The following KCNJ12 variants were observed in gnomAD, a reference collection of about 807,000 sequenced individuals.
The protein encoded by KCNJ12 is potassium inwardly rectifying channel subfamily J member 12.
Under a neutral mutation model 22.3 loss-of-function variants are expected in KCNJ12, and 2 were observed. The observed-to-expected ratio is 0.09, with a 90% CI of 0.04 to 0.28. The LOEUF is 0.28. KCNJ12 is among the 10% of genes least tolerant of loss of function. The pLI is 1.00. For missense variants in KCNJ12, 155 were observed against 633.3 expected, an observed-to-expected ratio of 0.24 and a Z score of 8.11; for synonymous variants, 117 against 261.4, an observed-to-expected ratio of 0.45 and a Z score of 5.33.
chr17:21,413,891 CT>C (rs1906524099), intron 2 of KCNJ12, among the ~76,000 whole-genome samples: 1 of 152,288 alleles, frequency 6.6e-6, no homozygotes, highest in African/African-American at 2.4e-5. Flanking sequence ...GGTGACACCC[CT>C]GAGCACTGCC....
chr17:21,390,272 A>G (rs1459196116), intron 1 of KCNJ12, among the ~76,000 whole-genome samples: 1 of 152,066 alleles, frequency 6.6e-6, no homozygotes, highest in Non-Finnish European at 1.5e-5. Context: ...TGGACCCTGC[A>G]CTACACCCTG....
intron 1 of KCNJ12, among the ~76,000 whole-genome samples, chr17:21,393,343 C>T (rs1323890918): frequency 1.1e-4 from 16 of 152,140 alleles, no homozygotes; most frequent in African/African-American, 3.9e-4. Context: ...CTGCTTCAGG[C>T]CCTCAAACAG....
chr17:21,394,268 G>A (rs1905278945), intron 1 of KCNJ12, among the ~76,000 whole-genome samples: 1 of 152,130 alleles, frequency 6.6e-6, no homozygotes, highest in Non-Finnish European at 1.5e-5. Context: ...GTTTAACTAT[G>A]TATAGATACA....
chr17:21,416,039 A>C lies in KCNJ12; in HGVS notation c.697A>C (p.Ile233Leu), dbSNP rs782780500. The C allele has an allele frequency of 4.3e-6, 7 of 1,609,722 alleles. No individual in the cohort carries two copies. In the Admixed American group the frequency reaches 5.0e-5, roughly 12 times the overall value. Residue 233 changes from isoleucine to leucine, a missense_variant, in exon 3 of 3, where the codon ATC (isoleucine) becomes CTC (leucine). Physicochemically the swap from Ile to Leu is conservative, Grantham distance 5. Coordinates refer to ENST00000583088, the MANE Select transcript of KCNJ12 (RefSeq NM_021012.5). ...GGAGGCCCATGTGCGCGCGCAGCTC[A>C]TCAAGCCGCGGGTCACCGAGGAGGG... is the stretch of plus-strand genomic sequence containing the variant. ...IVEAHVRAQLIKPRVTEEGEY... is the reference protein window; with the variant it reads ...IVEAHVRAQLLKPRVTEEGEY...
At chr17:21,392,396 G>A (rs1905231546) in intron 1 of KCNJ12, among the ~76,000 whole-genome samples, 1 of 152,272 alleles carries the variant, frequency 6.6e-6, no homozygotes, top group Non-Finnish European at 1.5e-5. Context: ...GGCCACCGCA[G>A]CAAGGAGCAA....
At chr17:21,395,591 A>AAAAAG (rs1905333115) in intron 1 of KCNJ12, among the ~76,000 whole-genome samples, 1 of 151,252 alleles carries the variant, frequency 6.6e-6, no homozygotes. Context: ...AAAAAAAAAA[A>AAAAAG]AAAGAAAGAA....
chr17:21,406,939 T>C (rs1228272617), intron 1 of KCNJ12, among the ~76,000 whole-genome samples: 2 of 152,388 alleles, frequency 1.3e-5, no homozygotes, highest in African/African-American at 4.8e-5. Flanking sequence ...CACGGCACAC[T>C]GGATAGGAAG....
intron 2 of KCNJ12, among the ~76,000 whole-genome samples, chr17:21,409,104 C>T (rs1417984115): frequency 6.6e-6 from 1 of 152,302 alleles, no homozygotes; most frequent in Non-Finnish European, 1.5e-5. Flanking sequence ...GCTATACCTG[C>T]ATCAGCCTCT....
At chr17:21,409,312 A>G (rs1379466505) in intron 2 of KCNJ12, among the ~76,000 whole-genome samples, 2 of 152,302 alleles carry the variant, frequency 1.3e-5, no homozygotes, top group Non-Finnish European at 2.9e-5. Context: ...GAGGAAGAGC[A>G]GGAGGAGACT....
rs1906910154 is a variant in KCNJ12 at position 21,417,375 on chromosome 17, G to A, written c.*731G>A. The A allele has an allele frequency of 6.0e-6, 1 of 167,100 alleles. No homozygotes were observed. Among genetic ancestry groups the A allele is most frequent in the African/African-American group, 2.4e-5 (1 of 41,448 alleles). The allele number at this position is 167,100 out of a possible 1,614,324, so 10.4% of individuals were successfully genotyped here. ...ATAAAAGCTTTCTACTGTCGTTGGG[G>A]TGGTGGGTGGGGCTGGGAAGAAACT... On this transcript the variant is annotated 3_prime_UTR_variant, in exon 3 of 3. Coordinates refer to ENST00000583088, the MANE Select transcript of KCNJ12 (RefSeq NM_021012.5).
intron 1 of KCNJ12, among the ~76,000 whole-genome samples, chr17:21,381,591 C>G (rs891283944): frequency 2.0e-5 from 3 of 152,142 alleles, no homozygotes; most frequent in Admixed American, 6.5e-5. Flanking sequence ...TTTCCCAGAT[C>G]TCTGCACGGC....
At chr17:21,392,688 C>G (rs1555559449) in intron 1 of KCNJ12, among the ~76,000 whole-genome samples, 1 of 152,230 alleles carries the variant, frequency 6.6e-6, no homozygotes, top group East Asian at 1.9e-4. Context: ...AGGCCTGAGA[C>G]TGGCTGTGTA....
chr17:21,381,699 T>C (rs536591791), intron 1 of KCNJ12, among the ~76,000 whole-genome samples: 3 of 152,306 alleles, frequency 2.0e-5, no homozygotes, highest in South Asian at 4.1e-4. Flanking sequence ...CTTTCCCCCA[T>C]GTTCCTTTTC....
At chr17:21,394,989 A>C (rs1341862409) in intron 1 of KCNJ12, among the ~76,000 whole-genome samples, 2 of 152,154 alleles carry the variant, frequency 1.3e-5, no homozygotes, top group African/African-American at 4.8e-5. Flanking sequence ...TCTTTAACCC[A>C]GTGCCTAGCA....
At chr17:21,387,915 C>T (rs1905117593) in intron 1 of KCNJ12, among the ~76,000 whole-genome samples, 1 of 152,068 alleles carries the variant, frequency 6.6e-6, no homozygotes, top group Non-Finnish European at 1.5e-5. Flanking sequence ...CACTGCTGTG[C>T]CCCCCGAGGG....
intron 1 of KCNJ12, among the ~76,000 whole-genome samples, chr17:21,391,421 C>A (rs4452009): frequency 0.39 from 59,130 of 152,062 alleles, 13,827 homozygotes; most frequent in Non-Finnish European, 0.51. Flanking sequence ...TCTTGCTGTA[C>A]CCCCGGACCA....
chr17:21,407,961 T>C (rs1467458451), intron 1 of KCNJ12, among the ~76,000 whole-genome samples: 1 of 148,398 alleles, frequency 6.7e-6, no homozygotes, highest in African/African-American at 2.5e-5. Flanking sequence ...TACCCATTCA[T>C]CCCTGCATTC....
intron 1 of KCNJ12, among the ~76,000 whole-genome samples, chr17:21,397,784 T>C (rs1905419943): frequency 6.6e-6 from 1 of 152,166 alleles, no homozygotes; most frequent in African/African-American, 2.4e-5. Flanking sequence ...CAGGGCCTCA[T>C]ACTCTGCCCT....
chr17:21,381,244 C>T (rs1555557898), intron 1 of KCNJ12, among the ~76,000 whole-genome samples: 1 of 152,166 alleles, frequency 6.6e-6, no homozygotes, highest in Non-Finnish European at 1.5e-5. Flanking sequence ...CCCTCACCTG[C>T]AGCCCAGGCC....
Sources: gnomAD v4.1 joint callset for allele counts (sites outside exome capture counted in the v4.1 genomes callset) on GRCh38, gnomAD v4.1.1 for gene constraint, MANE v1.5 for transcripts, NCBI Gene and HGNC (gene_info 2026-07-23, HGNC 2026-07-21) for gene names.